The following MYH15 variants were observed in gnomAD, a reference collection of about 807,000 sequenced individuals.
MYH15 encodes the protein myosin heavy chain 15.
MYH15 carries 227 observed loss-of-function variants against 240.5 expected under a neutral mutation model. That is an observed-to-expected ratio of 0.94 (90% CI 0.85 to 1.05). The LOEUF (loss-of-function observed/expected upper bound fraction) is 1.05. Ranked by LOEUF, MYH15 falls within the 50% of genes least tolerant of loss-of-function variation. The pLI, the probability that MYH15 is intolerant of heterozygous loss-of-function variation, is 0.00. For synonymous variants in MYH15, 785 were observed against 796.7 expected, an observed-to-expected ratio of 0.99 and a Z score of 0.25; for missense variants, 2,217 against 2,247.5, an observed-to-expected ratio of 0.99 and a Z score of 0.27.
the MYH15 span, among the ~76,000 whole-genome samples, chr3:108,548,096 A>G: frequency 6.6e-6 from 1 of 152,160 alleles, no homozygotes; most frequent in Non-Finnish European, 1.5e-5. Context: ...ATGAAGGATG[A>G]GAAGAGGACA....
Position 108,408,315 on chromosome 3 carries a change from T to C in MYH15, c.4585A>G (p.Lys1529Glu), listed in dbSNP as rs771047749. 133 of 1,613,566 alleles carry C rather than the reference T, an allele frequency of 8.2e-5. No homozygotes were observed. Among genetic ancestry groups the C allele is most frequent in the Non-Finnish European group, 1.1e-4 (128 of 1,179,914 alleles). Reference sequence around the variant, plus strand: ...TCCAGTGTCACCTGGACTTCTGTCTTCTCTTCTTCAATTAGTTTCTTGACC... The same window carrying C: ...TCCAGTGTCACCTGGACTTCTGTCTCCTCTTCTTCAATTAGTTTCTTGACC... ...EKVKKLIEEE[K>E]TEVQVTLEET... Residue 1529 changes from lysine to glutamate, a missense_variant, in exon 32 of 41, where the codon AAG becomes GAG. Coordinates refer to ENST00000693548, the MANE Select transcript of MYH15 (RefSeq NM_014981.3).
At chr3:108,427,598 GACACACACACACACACACA>G (rs141460897) in intron 27 of MYH15, among the ~76,000 whole-genome samples, 19,689 of 142,306 alleles carry the variant, frequency 0.14, 1,359 homozygotes, top group South Asian at 0.26. Flanking sequence ...AATGGACTAA[GACACACACACACACACACA>G]ACACACACAC....
At chr3:108,466,425 G>T (rs1014925940) in intron 14 of MYH15, among the ~76,000 whole-genome samples, 1 of 152,028 alleles carries the variant, frequency 6.6e-6, no homozygotes, top group Non-Finnish European at 1.5e-5. Context: ...AGCATTTTAC[G>T]CAGAGTCTTA....
intron 17 of MYH15, among the ~76,000 whole-genome samples, chr3:108,459,722 T>A (rs1468873124): frequency 6.6e-6 from 1 of 152,190 alleles, no homozygotes; most frequent in African/African-American, 2.4e-5. Context: ...ATGGCTGGGC[T>A]ATAAAATGGC....
chr3:108,429,418 T>C (rs2082757368), intron 26 of MYH15, among the ~76,000 whole-genome samples: 1 of 152,100 alleles, frequency 6.6e-6, no homozygotes, highest in African/African-American at 2.4e-5. Flanking sequence ...CTGCAGGAGA[T>C]TTCAAGGAAG....
chr3:108,484,778 C>A (rs1341340494), intron 11 of MYH15, among the ~76,000 whole-genome samples: 1 of 152,158 alleles, frequency 6.6e-6, no homozygotes, highest in Non-Finnish European at 1.5e-5. Flanking sequence ...CGGTGTCCGG[C>A]CATAATTTGT....
At chr3:108,517,480 C>G (rs997847413) in intron 1 of MYH15, among the ~76,000 whole-genome samples, 1 of 152,014 alleles carries the variant, frequency 6.6e-6, no homozygotes, top group African/African-American at 2.4e-5. Context: ...TTACAGGTGC[C>G]CAACACCATG....
intron 11 of MYH15, among the ~76,000 whole-genome samples, chr3:108,484,561 C>T (rs776327318): frequency 6.6e-6 from 1 of 152,160 alleles, no homozygotes; most frequent in African/African-American, 2.4e-5. Context: ...TCACTACAAC[C>T]TCTACCTCCC....
chr3:108,504,314 T>TA (rs1466267409), intron 2 of MYH15, among the ~76,000 whole-genome samples: 1 of 152,216 alleles, frequency 6.6e-6, no homozygotes, highest in African/African-American at 2.4e-5. Context: ...GTCCACCTAT[T>TA]TATGTTCCAG....
chr3:108,515,320 C>A (rs1359483817), upstream of MYH15, among the ~76,000 whole-genome samples: 1 of 152,120 alleles, frequency 6.6e-6, no homozygotes, highest in African/African-American at 2.4e-5. Flanking sequence ...GTGCCACATG[C>A]ACGCTAATCA....
chr3:108,417,813 A>G (rs944581160), intron 28 of MYH15, among the ~76,000 whole-genome samples: 4 of 151,974 alleles, frequency 2.6e-5, no homozygotes, highest in Non-Finnish European at 4.4e-5. Context: ...ACACACACAC[A>G]CACACACACA....
intron 2 of MYH15, among the ~76,000 whole-genome samples, chr3:108,505,416 T>C (rs941971344): frequency 6.6e-6 from 1 of 152,128 alleles, no homozygotes; most frequent in Non-Finnish European, 1.5e-5. Context: ...ACTACAAGCA[T>C]GTACCACCAC....
Position 108,410,829 on chromosome 3 carries a change from G to A in MYH15, c.4249C>T (p.Leu1417Phe), listed in dbSNP as rs1447490980. The A allele has an allele frequency of 6.2e-7, 1 of 1,613,916 alleles. No individual in the cohort carries two copies. The highest frequency in any genetic ancestry group is 1.3e-5 in the African/African-American group (1 of 74,938). The part of the protein sequence containing the change: ...ERARHQLQLE[L>F]GDALSDLGKV... ...CCGAGGTCAGACAGGGCGTCCCCGA[G>A]CTCCAGCTGCAGCTGGTGCCTGGCT... Residue 1417 changes from leucine (L) to phenylalanine (F), a missense_variant, in exon 31 of 41, where the codon CTC (leucine) becomes TTC (phenylalanine). By Grantham distance (22) the Leu-to-Phe change is conservative. Coordinates refer to ENST00000693548, the MANE Select transcript of MYH15 (RefSeq NM_014981.3).
At chr3:108,498,172 T>C (rs371238972) in intron 5 of MYH15, 27 bp from the exon 6 acceptor site, 7 of 1,595,444 alleles carry the variant, frequency 4.4e-6, no homozygotes, top group Non-Finnish European at 6.0e-6. Flanking sequence ...AGTGATACAG[T>C]TAACTGGTTC....
chr3:108,459,921 G>C (rs945055429), intron 17 of MYH15, among the ~76,000 whole-genome samples: 7 of 152,162 alleles, frequency 4.6e-5, no homozygotes, highest in African/African-American at 1.7e-4. Flanking sequence ...ATCCTTGCAA[G>C]CAAGAGCTGT....
At chr3:108,521,830 G>A (rs2083620193) in intron 1 of MYH15, among the ~76,000 whole-genome samples, 1 of 152,136 alleles carries the variant, frequency 6.6e-6, no homozygotes, top group Admixed American at 6.6e-5. Context: ...ACAGGAAATG[G>A]ACATTAAAGT....
intron 25 of MYH15, among the ~76,000 whole-genome samples, chr3:108,433,778 T>G (rs941337390): frequency 1.3e-5 from 2 of 152,202 alleles, no homozygotes; most frequent in Non-Finnish European, 2.9e-5. Context: ...TCCCAAGACA[T>G]GTGGAACTGT....
chr3:108,428,392 G>A, intron 27 of MYH15, 100 bp downstream of exon 27: 1 of 1,351,506 alleles, frequency 7.4e-7, no homozygotes, highest in Non-Finnish European at 1.0e-6. Context: ...AATACACTGA[G>A]TCACTAAGCT....
At position 108,414,419 on chromosome 3, in the gene MYH15, C is replaced by G. The variant is rs143032325; in HGVS notation, c.3958G>C (p.Ala1320Pro). The change falls in exon 30 of 41, where the codon GCC becomes CCC. Residue 1320 changes from alanine to proline, a missense_variant. Coordinates refer to ENST00000693548, the MANE Select transcript of MYH15 (RefSeq NM_014981.3). ...GCCTTCTGCAGGGCATGGGCCAGGG[C>G]ACTCTGGGACTGTAGGGGACACACA... is the stretch of plus-strand genomic sequence containing the variant. ...QLEKETKSQS[A>P]LAHALQKAQR... 1 of 1,613,710 alleles carries G rather than the reference C, an allele frequency of 6.2e-7. No homozygotes were observed. Among genetic ancestry groups the G allele is most frequent in the Non-Finnish European group, 8.5e-7 (1 of 1,179,858 alleles).
Sources: allele counts gnomAD v4.1 joint callset (sites outside exome capture counted in the v4.1 genomes callset), GRCh38; gene constraint gnomAD v4.1.1; transcripts MANE v1.5; gene names NCBI Gene and HGNC (gene_info 2026-07-23, HGNC 2026-07-21).